The following MTFR1 variants were observed in gnomAD, a reference collection of about 807,000 sequenced individuals.
The protein encoded by MTFR1 is mitochondrial fission regulator 1.
Under a neutral mutation model 38.8 loss-of-function variants are expected in MTFR1, and 28 were observed. That is an observed-to-expected ratio of 0.72 (90% confidence interval 0.53 to 0.99). MTFR1 has a LOEUF of 0.99. Among genes scored for constraint, MTFR1 ranks in the 50% least tolerant of loss-of-function variants. The pLI is 0.00. For missense variants in MTFR1, 358 were observed against 395.5 expected (o/e 0.91, Z 0.81); for synonymous variants, 145 against 137.0 (o/e 1.06, Z -0.41).
At chr8:65,686,296 GCACA>G (rs1805069191) in intron 3 of MTFR1, among the ~76,000 whole-genome samples, 1 of 152,170 alleles carries the variant, frequency 6.6e-6, no homozygotes, top group Admixed American at 6.5e-5. Flanking sequence ...GTGGAGCCCA[GCACA>G]GTGGCTCGCA....
At chr8:65,666,262 C>CA (rs1804379253) in intron 1 of MTFR1, among the ~76,000 whole-genome samples, 1 of 151,648 alleles carries the variant, frequency 6.6e-6, no homozygotes, top group African/African-American at 2.4e-5. Flanking sequence ...CAATAATTAG[C>CA]TGGGTGTGGT....
At chr8:65,646,333 G>A (rs1808965029) in intron 1 of MTFR1, among the ~76,000 whole-genome samples, 1 of 152,102 alleles carries the variant, frequency 6.6e-6, no homozygotes, top group African/African-American at 2.4e-5. Flanking sequence ...GCTACTCTTG[G>A]CCTTTGTCAT....
At chr8:65,689,629 C>T (rs1458425085) in intron 3 of MTFR1, 6 of 1,260,068 alleles carry the variant, frequency 4.8e-6, no homozygotes, top group Non-Finnish European at 6.2e-6. Context: ...CTCAAACTTC[C>T]CATGCATGTC....
In MTFR1 at chr8:65,747,791, A is replaced by G. The variant is rs1275467815; in HGVS notation, c.*49-23156A>G. 5.6e-6 allele frequency: 9 copies of G among 1,604,154 alleles called. No individual in the cohort carries two copies. Among genetic ancestry groups the G allele is most frequent in the Non-Finnish European group, 6.0e-6 (7 of 1,174,154 alleles). On this transcript the variant is annotated intron_variant, in intron 3 of 3. Coordinates refer to the MTFR1 transcript ENST00000521247. ...ATTCCTTGCAGAGACAGACACTTCA[A>G]TTTCAGATTGAGCTGAAATAAAAAG...
intron 3 of MTFR1, among the ~76,000 whole-genome samples, chr8:65,767,096 G>A (rs757186117): frequency 4.6e-5 from 7 of 152,102 alleles, no homozygotes; most frequent in South Asian, 2.1e-4. Context: ...TATTAAATAC[G>A]TCATACACTT....
intron 3 of MTFR1, among the ~76,000 whole-genome samples, chr8:65,692,494 C>T (rs542681459): frequency 3.9e-5 from 6 of 152,238 alleles, no homozygotes; most frequent in Non-Finnish European, 5.9e-5. Flanking sequence ...TGTGCTACCA[C>T]GCCTGGCTAA....
In MTFR1 at chr8:65,682,433, TC is replaced by T; in HGVS notation, c.149del (p.Pro50GlnfsTer33). ...GTACTAATTTGTCTCTGATTCAGTGTCCAAGAGTTCAGTTTCAGGTATTATA... is the reference window on the plus strand; with the variant it reads ...GTACTAATTTGTCTCTGATTCAGTGTCAAGAGTTCAGTTTCAGGTATTATA... ...IGTNLSLIQC[P>X]RVQFQINSHA... On this transcript the variant is annotated frameshift_variant, in exon 3 of 8. Transcript: ENST00000262146. LOFTEE classifies it high-confidence loss of function. 1 of 1,536,548 alleles carries T rather than the reference TC, an allele frequency of 6.5e-7. No homozygotes were observed. The highest frequency in any genetic ancestry group is 8.8e-7 in the Non-Finnish European group (1 of 1,136,234).
At chr8:65,749,844 GT>G (rs1807853557) in intron 3 of MTFR1, among the ~76,000 whole-genome samples, 1 of 152,154 alleles carries the variant, frequency 6.6e-6, no homozygotes, top group South Asian at 2.1e-4. Context: ...TTTATTTACT[GT>G]CCATTACAAA....
chr8:65,685,911 A>C (rs1805058093), intron 3 of MTFR1, among the ~76,000 whole-genome samples: 1 of 152,202 alleles, frequency 6.6e-6, no homozygotes. Flanking sequence ...TGAGGAGACA[A>C]GTAGAGGTTG....
intron 3 of MTFR1, among the ~76,000 whole-genome samples, chr8:65,752,201 TA>T (rs1034150018): frequency 3.9e-5 from 6 of 152,218 alleles, no homozygotes; most frequent in Admixed American, 3.3e-4. Flanking sequence ...TACCAGAGCA[TA>T]TTTTTTTCCT....
chr8:65,655,221 G>C (rs1297010049), intron 1 of MTFR1, among the ~76,000 whole-genome samples: 1 of 152,140 alleles, frequency 6.6e-6, no homozygotes, highest in Non-Finnish European at 1.5e-5. Context: ...TATGATCTCT[G>C]TCTCTAACTT....
At chr8:65,696,684 A>G (rs1034735287) in intron 4 of MTFR1, among the ~76,000 whole-genome samples, 4 of 152,168 alleles carry the variant, frequency 2.6e-5, no homozygotes, top group African/African-American at 9.6e-5. Flanking sequence ...TTTTTGAGAC[A>G]GAGTCTCACT....
intron 4 of MTFR1, among the ~76,000 whole-genome samples, chr8:65,703,640 GC>G (rs1180452651): frequency 1.3e-5 from 2 of 151,750 alleles, no homozygotes; most frequent in Non-Finnish European, 2.9e-5. Context: ...CACCCTGTTG[GC>G]CCAGGCTGGT....
At chr8:65,652,236 A>G (rs1385618518) in intron 1 of MTFR1, among the ~76,000 whole-genome samples, 1 of 152,024 alleles carries the variant, frequency 6.6e-6, no homozygotes, top group East Asian at 1.9e-4. Flanking sequence ...CCTCCCAAGT[A>G]GCTGGGATTA....
intron 1 of MTFR1, among the ~76,000 whole-genome samples, chr8:65,655,969 C>CGTATATATATATATATATATA: frequency 1.8e-5 from 1 of 56,482 alleles, no homozygotes; most frequent in African/African-American, 1.0e-4. Context: ...TATATATATA[C>CGTATATATATATATATATATA]CATATATATA....
At chr8:65,767,311 G>C (rs1281649952) in intron 3 of MTFR1, among the ~76,000 whole-genome samples, 1 of 152,186 alleles carries the variant, frequency 6.6e-6, no homozygotes, top group Non-Finnish European at 1.5e-5. Flanking sequence ...ATTTCCAACT[G>C]CATGACCAGA....
At chr8:65,737,286 A>G (rs17396004) in intron 3 of MTFR1, among the ~76,000 whole-genome samples, 6,103 of 152,134 alleles carry the variant, frequency 0.04, 181 homozygotes, top group Non-Finnish European at 0.062. Context: ...CTTCCACATT[A>G]GCGGCAACAG....
rs1369440336 is a variant in MTFR1, at chr8:65,693,745, T to G, written c.267T>G (p.Cys89Trp). The G allele has an allele frequency of 6.2e-7, 1 of 1,613,924 alleles. No individual in the cohort carries two copies. Residue 89 changes from cysteine (C) to tryptophan (W), a missense_variant, in exon 4 of 8, where the codon TGT (cysteine) becomes TGG (tryptophan). Cys to Trp is a radical substitution (Grantham distance 215). Transcript: ENST00000262146. Reference protein sequence around the residue: ...VGWVAKEEGECSARLRTEVRS... With the variant: ...VGWVAKEEGEWSARLRTEVRS... ...GGGTAGCCAAAGAAGAAGGAGAGTG[T>G]TCAGCAAGACTAAGGTTAGTTTGGA...
chr8:65,662,633 C>T lies in MTFR1; in HGVS notation c.-80-7240C>T, dbSNP rs1293980013. On this transcript the variant is annotated intron_variant, in intron 1 of 7. Transcript: ENST00000262146. ...GTGAGGAGCGTCTCTGCCCGGCCGC[C>T]CCATCTGAGAAGTGAGGAGACCCTC... Among the ~76,000 whole-genome samples the T allele has an allele frequency of 7.7e-5, 11 of 142,660 alleles. 1 individual carries two copies. Among genetic ancestry groups the T allele is most frequent in the African/African-American group, 2.8e-4 (11 of 39,378 alleles). The allele number at this position is 142,660 out of a possible 152,430, so 93.6% of individuals were successfully genotyped here. A position where few individuals can be genotyped will look rare whatever the true frequency, so the allele number is the denominator to read the frequency against.
Sources: allele counts gnomAD v4.1 joint callset (sites outside exome capture counted in the v4.1 genomes callset), GRCh38; gene constraint gnomAD v4.1.1; transcripts MANE v1.5; gene names NCBI Gene and HGNC (gene_info 2026-07-23, HGNC 2026-07-21).